SMAD3: variants seen among roughly 807,000 people sequenced by gnomAD.
SMAD3 encodes SMAD family member 3.
A neutral mutation model predicts 51.8 loss-of-function variants in SMAD3; 12 were observed. The observed-to-expected ratio is 0.23, with a 90% CI of 0.15 to 0.38. The LOEUF is 0.38. Ranked by LOEUF, SMAD3 falls within the 10% of genes least tolerant of loss-of-function variation. The pLI is 1.00. For synonymous variants in SMAD3, 238 were observed against 227.7 expected, an observed-to-expected ratio of 1.05 and a Z score of -0.41; for missense variants, 294 against 565.6, an observed-to-expected ratio of 0.52 and a Z score of 4.87.
chr15:67,127,115 C>A (rs1165697611), intron 1 of SMAD3, among the ~76,000 whole-genome samples: 1 of 152,140 alleles, frequency 6.6e-6, no homozygotes, highest in Non-Finnish European at 1.5e-5. Context: ...GGCTAAATAC[C>A]GGCCACCTCG....
intron 1 of SMAD3, among the ~76,000 whole-genome samples, chr15:67,085,992 A>G (rs979827496): frequency 6.6e-6 from 1 of 151,458 alleles, no homozygotes; most frequent in East Asian, 1.9e-4. Flanking sequence ...TTGGAGTTCC[A>G]GTTCCCTCCT....
chr15:67,150,560 C>A (rs553673008), intron 1 of SMAD3, among the ~76,000 whole-genome samples: 2 of 152,146 alleles, frequency 1.3e-5, no homozygotes, highest in African/African-American at 4.8e-5. Flanking sequence ...TGCTCCGATT[C>A]GGGCAGACCT....
intron 1 of SMAD3, among the ~76,000 whole-genome samples, chr15:67,101,022 T>G (rs1960743145): frequency 1.3e-5 from 2 of 152,210 alleles, no homozygotes. Context: ...CTCAGGAAAC[T>G]GTCTGTCTCA....
intron 1 of SMAD3, among the ~76,000 whole-genome samples, chr15:67,123,761 C>A (rs992211595): frequency 6.6e-6 from 1 of 152,062 alleles, no homozygotes; most frequent in Non-Finnish European, 1.5e-5. Flanking sequence ...TTTCTGCAAC[C>A]CTTTGCCTTC....
rs1031326147 is a variant in SMAD3 at position 67,191,957 on chromosome 15, CTCT to C, written c.*1426_*1428del. 10 of 229,354 alleles carry C rather than the reference CTCT, an allele frequency of 4.4e-5. No homozygotes were observed. Among genetic ancestry groups the C allele is most frequent in the African/African-American group, 2.0e-4 (9 of 45,196 alleles). 14.2% of individuals were successfully genotyped at this position (229,354 alleles called of 1,614,324 possible). Reference sequence around the variant, plus strand: ...CAACTGGAAAAAAGAAAAAAGAGTCCTCTTCTTTTCCCAGCCTTTTGCAGAACA... The same window carrying C: ...CAACTGGAAAAAAGAAAAAAGAGTCCTCTTTTCCCAGCCTTTTGCAGAACA... On this transcript the variant is annotated 3_prime_UTR_variant, in exon 9 of 9. Coordinates refer to ENST00000327367, the MANE Select transcript of SMAD3 (RefSeq NM_005902.4).
At chr15:67,116,762 G>A (rs1018820734) in intron 1 of SMAD3, among the ~76,000 whole-genome samples, 1 of 152,200 alleles carries the variant, frequency 6.6e-6, no homozygotes, top group East Asian at 1.9e-4. Flanking sequence ...AAGACCCTTG[G>A]TGATGGGGGT....
At chr15:67,098,499 C>G (rs1960668994) in intron 1 of SMAD3, 2 of 256,716 alleles carry the variant, frequency 7.8e-6, no homozygotes, top group Admixed American at 4.9e-5. Context: ...AAGAAAAAGG[C>G]CTATCTCAAC....
chr15:67,066,479 G>T lies in SMAD3; in HGVS notation c.206+119G>T, dbSNP rs1595882303. On this transcript the variant is annotated intron_variant, in intron 1 of 8. Transcript: ENST00000327367. ...AGAGAGAGGGAGGGAGTGAGACTGT[G>T]TGGGTGCGTGTGTGTGAGAGTGGGA... 3 of 814,406 alleles carry T rather than the reference G, an allele frequency of 3.7e-6. No individual in the cohort carries two copies. The East Asian group carries it at 8.0e-5, about 22-fold the overall frequency. 50.4% of individuals were successfully genotyped at this position (814,406 alleles called of 1,614,324 possible).
chr15:67,095,837 T>C (rs1960604577), intron 1 of SMAD3, among the ~76,000 whole-genome samples: 3 of 152,238 alleles, frequency 2.0e-5, no homozygotes, highest in Admixed American at 2.0e-4. Context: ...CGGCCCATCT[T>C]GAAATTCTTA....
intron 1 of SMAD3, chr15:67,125,659 G>A: frequency 1.0e-6 from 1 of 961,184 alleles, no homozygotes; most frequent in East Asian, 1.1e-4. Context: ...AATATGAAAA[G>A]CATTTTTTTA....
intron 1 of SMAD3, among the ~76,000 whole-genome samples, chr15:67,115,524 G>T (rs1961115429): frequency 6.6e-6 from 1 of 152,194 alleles, no homozygotes. Flanking sequence ...GGTTGCCAAA[G>T]AATCCAACAA....
rs145683828 is a variant in SMAD3 at position 67,091,290 on chromosome 15, C to T, written c.206+24930C>T. On this transcript the variant is annotated intron_variant, in intron 1 of 8. Transcript: ENST00000327367. ...CTGGAGGGATTTCCCAGATGGCTTC[C>T]AGGCCAGAGCCTGACAGGAGAGATA... Among the ~76,000 whole-genome samples, 34 of 152,364 alleles carry T rather than the reference C, an allele frequency of 2.2e-4. No individual in the cohort carries two copies. In the East Asian group the frequency reaches 3.1e-3, roughly 14 times the overall value.
In SMAD3 at chr15:67,066,218, G is replaced by T; in HGVS notation, c.64G>T (p.Glu22Ter). ...VKRLLGWKKGEQNGQEEKWCE... is the reference protein window; with the variant it reads ...VKRLLGWKKG ...GCGCCTGCTGGGCTGGAAGAAGGGC[G>T]AGCAGAACGGGCAGGAGGAGAAATG... The change falls in exon 1 of 9, where the codon GAG becomes TAG. Residue 22 changes from glutamate (E) to a stop codon, truncating the protein, a stop_gained. Transcript: ENST00000327367. LOFTEE classifies it high-confidence loss of function. 6.2e-7 allele frequency: 1 copy of T among 1,613,264 alleles called. No homozygotes were observed. The highest frequency in any genetic ancestry group is 8.5e-7 in the Non-Finnish European group (1 of 1,179,730).
intron 1 of SMAD3, among the ~76,000 whole-genome samples, chr15:67,161,369 A>G (rs1962427200): frequency 6.6e-6 from 1 of 152,186 alleles, no homozygotes; most frequent in Non-Finnish European, 1.5e-5. Flanking sequence ...TGATTCATGT[A>G]TGATTAATAT....
rs374111837 is a variant in SMAD3 at position 67,165,347 on chromosome 15, C to T, written c.495C>T (p.Asn165=). ...DYSHSIPENT[N]FPAGIEPQSN... is the part of the protein sequence containing the mutation. ...GCCATTCCATCCCCGAAAACACTAA[C>T]TTCCCCGCAGGCATCGAGCCCCAGA... The change falls in exon 3 of 9, where the codon AAC becomes AAT. Residue 165 remains asparagine, a synonymous_variant. Transcript: ENST00000327367. The T allele has an allele frequency of 6.8e-6, 11 of 1,614,240 alleles. No homozygotes were observed. Among genetic ancestry groups the T allele is most frequent in the Non-Finnish European group, 9.3e-6 (11 of 1,180,042 alleles).
chr15:67,071,206 G>A (rs1433762867), intron 1 of SMAD3, among the ~76,000 whole-genome samples: 2 of 152,180 alleles, frequency 1.3e-5, no homozygotes, highest in Non-Finnish European at 2.9e-5. Flanking sequence ...AAGGGGACAA[G>A]GGTTATCCAA....
At chr15:67,185,453 G>C (rs1186058916) in intron 7 of SMAD3, among the ~76,000 whole-genome samples, 1 of 152,192 alleles carries the variant, frequency 6.6e-6, no homozygotes, top group African/African-American at 2.4e-5. Flanking sequence ...GAGCAGCCCA[G>C]GCAAAGGGCC....
In SMAD3 at chr15:67,116,474, G is replaced by A. The variant is rs142497547; in HGVS notation, c.207-48421G>A. On this transcript the variant is annotated intron_variant, in intron 1 of 8. Transcript: ENST00000327367. ...TCTCGGGCACAGGGATAACGGTGGC[G>A]CCCATCTCACGGGGTGTGTGGACGT... Among the ~76,000 whole-genome samples, 1,003 of 152,242 alleles carry A rather than the reference G, an allele frequency of 6.6e-3. 12 individuals carry two copies. The highest frequency in any genetic ancestry group is 0.023 in the African/African-American group (957 of 41,544).
At chr15:67,070,003 C>A (rs192059882) in intron 1 of SMAD3, among the ~76,000 whole-genome samples, 2 of 152,056 alleles carry the variant, frequency 1.3e-5, no homozygotes, top group African/African-American at 4.8e-5. Context: ...CGCGCCTCAC[C>A]GAATCTGATC....
Sources: allele counts gnomAD v4.1 joint callset (sites outside exome capture counted in the v4.1 genomes callset), GRCh38; gene constraint gnomAD v4.1.1; transcripts MANE v1.5; gene names NCBI Gene and HGNC (gene_info 2026-07-23, HGNC 2026-07-21).